The following EBPL variants were observed in gnomAD, a reference collection of about 807,000 sequenced individuals.
EBPL encodes EBP like, also known as emopamil-binding protein-like.
Under a neutral mutation model 19.0 loss-of-function variants are expected in EBPL, and 20 were observed. The ratio of observed to expected loss-of-function variants is 1.05; its 90% CI spans 0.74 to 1.53. EBPL has a LOEUF of 1.53. Among genes scored for constraint, EBPL ranks in the 40% most tolerant of loss-of-function variants. The pLI, the probability that EBPL is intolerant of heterozygous loss-of-function variation, is 0.00. For synonymous variants in EBPL, 107 were observed against 117.0 expected (o/e 0.91, Z 0.55); for missense variants, 219 against 261.1 (o/e 0.84, Z 1.11).
intron 2 of EBPL, among the ~76,000 whole-genome samples, chr13:49,669,034 C>T (rs1951319344): frequency 1.3e-5 from 2 of 151,922 alleles, no homozygotes; most frequent in East Asian, 3.9e-4. Context: ...GGCCCGCCAC[C>T]ACGCCCAGCC....
Position 49,669,906 on chromosome 13 carries a change from G to A in EBPL, c.172-60C>T, listed in dbSNP as rs997828392. ...AGCATCACAACCACAGGATGGCACT[G>A]TAGACACATGGCATTGCCTGGCTCC... is the stretch of plus-strand genomic sequence containing the variant. On this transcript the variant is annotated intron_variant, in intron 1 of 3. Coordinates refer to ENST00000242827, the MANE Select transcript of EBPL (RefSeq NM_032565.5). The A allele has an allele frequency of 4.1e-4, 532 of 1,289,628 alleles. 1 individual carries two copies. Among genetic ancestry groups the A allele is most frequent in the Non-Finnish European group, 5.2e-4 (462 of 889,246 alleles). The allele number at this position is 1,289,628 out of a possible 1,614,324, so 79.9% of individuals were successfully genotyped here.
At chr13:49,672,793 T>C (rs1416467036) in intron 1 of EBPL, among the ~76,000 whole-genome samples, 9 of 152,024 alleles carry the variant, frequency 5.9e-5, no homozygotes, top group Non-Finnish European at 1.0e-4. Context: ...GGTGTGGTGG[T>C]TCACGCCTGT....
intron 1 of EBPL, chr13:49,686,688 G>A (rs1462153133): frequency 1.7e-6 from 2 of 1,199,792 alleles, no homozygotes; most frequent in African/African-American, 3.2e-5. Flanking sequence ...CATACCTGGG[G>A]CTTCGTGCTA....
At chr13:49,671,925 T>C (rs1953821034) in intron 1 of EBPL, among the ~76,000 whole-genome samples, 2 of 152,282 alleles carry the variant, frequency 1.3e-5, no homozygotes, top group South Asian at 4.2e-4. Context: ...AACAAATCCG[T>C]TTCCTTTTAC....
At chr13:49,685,603 G>A (rs1026090413) in intron 1 of EBPL, among the ~76,000 whole-genome samples, 1 of 152,136 alleles carries the variant, frequency 6.6e-6, no homozygotes, top group African/African-American at 2.4e-5. Flanking sequence ...AGCTGGTCAT[G>A]GTGGCTCACG....
At chr13:49,685,081 C>A (rs143577601) in intron 1 of EBPL, among the ~76,000 whole-genome samples, 74 of 151,992 alleles carry the variant, frequency 4.9e-4, no homozygotes, top group African/African-American at 6.5e-4. Context: ...AATTTTTGTA[C>A]GCACCTGGTC....
chr13:49,666,711 CAAAA>C (rs35086927), intron 2 of EBPL, among the ~76,000 whole-genome samples: 4 of 81,014 alleles, frequency 4.9e-5, no homozygotes, highest in Non-Finnish European at 8.6e-5. Flanking sequence ...GACTCCGTCT[CAAAA>C]AAAAAAAAAA....
intron 1 of EBPL, among the ~76,000 whole-genome samples, chr13:49,675,718 T>G (rs1431393480): frequency 6.6e-6 from 1 of 152,154 alleles, no homozygotes; most frequent in African/African-American, 2.4e-5. Flanking sequence ...TATGTAGAAG[T>G]GGAATTGCTG....
At chr13:49,674,782 C>T (rs1392897937) in intron 1 of EBPL, among the ~76,000 whole-genome samples, 4 of 152,122 alleles carry the variant, frequency 2.6e-5, no homozygotes, top group African/African-American at 9.7e-5. Flanking sequence ...GGTAGGAGGA[C>T]AGGGATGGAG....
At position 49,691,455 on chromosome 13, in the gene EBPL, A is replaced by ACCAC. The variant is rs934816890; in HGVS notation, c.-32_-31insGTGG. On this transcript the variant is annotated 5_prime_UTR_variant, in exon 1 of 4. The change creates a premature stop within an existing upstream ORF in the 5' untranslated region. Coordinates refer to ENST00000242827, the MANE Select transcript of EBPL (RefSeq NM_032565.5). ...AGGCTTCCGACGCCAACGGCCCAGG[A>ACCAC]CCATGCGGCAGAGGAAAGCAGGGAG... The ACCAC allele has an allele frequency of 3.8e-6, 5 of 1,305,642 alleles. No individual in the cohort carries two copies. The highest frequency in any genetic ancestry group is 3.0e-5 in the African/African-American group (2 of 65,966). The allele number at this position is 1,305,642 out of a possible 1,614,324, so 80.9% of individuals were successfully genotyped here.
At chr13:49,675,192 G>C (rs914503540) in intron 1 of EBPL, among the ~76,000 whole-genome samples, 6 of 152,196 alleles carry the variant, frequency 3.9e-5, no homozygotes, top group Non-Finnish European at 8.8e-5. Context: ...TCACACGTAG[G>C]CTATATGGAT....
Position 49,663,046 on chromosome 13 carries a change from A to G in EBPL, c.380+11T>C, listed in dbSNP as rs1193770133. ...CCCCTCCTTCCAGCAGGACAGAAGA[A>G]GGGCACCTACCGGTAATATTTTTCT... On this transcript the variant is annotated intron_variant, in intron 3 of 3. Transcript: ENST00000242827. 4 of 1,613,300 alleles carry G rather than the reference A, an allele frequency of 2.5e-6. No homozygotes were observed. Among genetic ancestry groups the G allele is most frequent in the Non-Finnish European group, 3.4e-6 (4 of 1,179,950 alleles).
At chr13:49,662,248 G>A (rs1215344996) in intron 3 of EBPL, among the ~76,000 whole-genome samples, 5 of 152,072 alleles carry the variant, frequency 3.3e-5, no homozygotes, top group East Asian at 1.9e-4. Flanking sequence ...CACCTGCCTC[G>A]GCCTCCCAAA....
intron 1 of EBPL, among the ~76,000 whole-genome samples, chr13:49,684,484 A>G (rs1953976431): frequency 6.6e-6 from 1 of 152,188 alleles, no homozygotes; most frequent in Admixed American, 6.5e-5. Context: ...CAGCCTGGGC[A>G]ACATGGTGAA....
intron 3 of EBPL, among the ~76,000 whole-genome samples, chr13:49,662,700 A>G (rs1402118655): frequency 2.0e-5 from 3 of 151,740 alleles, no homozygotes; most frequent in Non-Finnish European, 2.9e-5. Context: ...TGGCGTGATC[A>G]TGGCTTACTG....
chr13:49,687,132 C>T (rs1279642885), intron 1 of EBPL, among the ~76,000 whole-genome samples: 2 of 152,112 alleles, frequency 1.3e-5, no homozygotes, highest in East Asian at 1.9e-4. Flanking sequence ...CGAGGACCCC[C>T]GACTCATAGT....
At chr13:49,666,457 T>C (rs1965228625) in intron 2 of EBPL, among the ~76,000 whole-genome samples, 1 of 151,988 alleles carries the variant, frequency 6.6e-6, no homozygotes, top group Non-Finnish European at 1.5e-5. Context: ...ACACCTGTAA[T>C]CCCAGCATTT....
At chr13:49,688,838 C>T (rs1428448820) in intron 1 of EBPL, among the ~76,000 whole-genome samples, 2 of 152,034 alleles carry the variant, frequency 1.3e-5, no homozygotes, top group Non-Finnish European at 2.9e-5. Context: ...TTAGCTTGTC[C>T]CACACTTCTG....
intron 1 of EBPL, among the ~76,000 whole-genome samples, chr13:49,678,294 C>T (rs867774863): frequency 5.9e-5 from 9 of 152,354 alleles, no homozygotes; most frequent in Middle Eastern, 3.4e-3. Context: ...GCACCAGGGC[C>T]GTGGGCAGAG....
Sources: allele counts gnomAD v4.1 joint callset (sites outside exome capture counted in the v4.1 genomes callset), GRCh38; gene constraint gnomAD v4.1.1; transcripts MANE v1.5; gene names NCBI Gene and HGNC (gene_info 2026-07-23, HGNC 2026-07-21).